TEX11: variants seen among roughly 807,000 people sequenced by gnomAD.
TEX11 encodes the protein testis-expressed protein 11.
In TEX11, 7 loss-of-function variants were observed where a neutral mutation model predicts 84.4. That is an observed-to-expected ratio of 0.08 (90% CI 0.05 to 0.16). The LOEUF (loss-of-function observed/expected upper bound fraction) is 0.16. TEX11 is among the 10% of genes least tolerant of loss of function. TEX11 has a pLI of 1.00. For missense variants in TEX11, 551 were observed against 660.5 expected (o/e 0.83, Z 1.82); for synonymous variants, 264 against 222.8 (o/e 1.18, Z -1.64).
chrX:70,856,856 TTA>T (rs2091539339), intron 5 of TEX11, among the ~76,000 whole-genome samples: 1 of 96,503 alleles, frequency 1.0e-5, no homozygotes, highest in Admixed American at 1.2e-4. Flanking sequence ...GATTTTTTTT[TTA>T]AAAAAAAGAG....
chrX:70,537,469 A>T (rs1157187760), intron 28 of TEX11, among the ~76,000 whole-genome samples: 1 of 109,192 alleles, frequency 9.2e-6, no homozygotes, highest in Non-Finnish European at 1.9e-5. Context: ...AAAAAATGAA[A>T]CAGCAGGAAT....
chrX:70,591,084 T>C (rs1279882514), intron 25 of TEX11, among the ~76,000 whole-genome samples: 1 of 112,070 alleles, frequency 8.9e-6, no homozygotes, highest in Non-Finnish European at 1.9e-5. Flanking sequence ...ATTAGCAGTA[T>C]CTGTTATCTT....
At chrX:70,763,493 G>GTGTA (rs1424000674) in intron 9 of TEX11, among the ~76,000 whole-genome samples, 3 of 110,619 alleles carry the variant, frequency 2.7e-5, no homozygotes, top group Non-Finnish European at 5.7e-5. Context: ...ATTGGGTACA[G>GTGTA]TGTACACTGC....
Position 70,833,584 on chromosome X carries a change from G to T in TEX11, c.535C>A (p.Gln179Lys), listed in dbSNP as rs2091389404. The T allele has an allele frequency of 8.4e-7, 1 of 1,195,312 alleles. No homozygotes were observed. Among genetic ancestry groups the T allele is most frequent in the Admixed American group, 2.3e-5 (1 of 44,116 alleles). The change falls in exon 8 of 30, where the codon CAA (glutamine) becomes AAA (lysine). Residue 179 changes from glutamine (Q) to lysine (K), a missense_variant. By Grantham distance (53) the Gln-to-Lys change is moderately conservative. Transcript: ENST00000374333. The stretch of plus-strand genomic sequence containing the variant: ...ATAGATGCTCTTTGAAAATCCCCTT[G>T]AGCAACTGCCTGAAAAAGATAAAGA... Reference protein sequence around the residue: ...LSYQAESAVAQGDFQRASMCV... With the variant: ...LSYQAESAVAKGDFQRASMCV...
chrX:70,900,395 A>AAGAAG lies in TEX11; in HGVS notation c.37+7357_37+7358insCTTCT, dbSNP rs1556245994. Among the ~76,000 whole-genome samples the AAGAAG allele has an allele frequency of 3.6e-3, 219 of 60,019 alleles. 3 individuals are homozygous for AAGAAG. Among genetic ancestry groups the AAGAAG allele is most frequent in the Admixed American group, 0.024 (98 of 4,099 alleles). 52.1% of individuals were successfully genotyped at this position (60,019 alleles called of 115,157 possible). The stretch of plus-strand genomic sequence containing the variant: ...CTCTATCTCAAAAAAAAAAAAAAAA[A>AAGAAG]AAGAAGAAGAAGAAGAAAATTGAAA... On this transcript the variant is annotated intron_variant, in intron 2 of 29. Transcript: ENST00000374333.
chrX:70,654,906 A>G, intron 16 of TEX11, among the ~76,000 whole-genome samples: 1 of 109,926 alleles, frequency 9.1e-6, no homozygotes, highest in Non-Finnish European at 1.9e-5. Context: ...ATATAAATGT[A>G]TTAAAAGTTC....
rs1431509287 is a variant in TEX11, at chrX:70,826,960, CCT to C, written c.606+6551_606+6552del. Among the ~76,000 whole-genome samples, 383 of 111,202 alleles carry C rather than the reference CCT, an allele frequency of 3.4e-3. 3 individuals carry two copies. Among genetic ancestry groups the C allele is most frequent in the African/African-American group, 0.012 (363 of 30,594 alleles). On this transcript the variant is annotated intron_variant, in intron 8 of 29. Transcript: ENST00000374333. The stretch of plus-strand genomic sequence containing the variant: ...CAGCAAAGGGAGGGCTTGCACCATC[CCT>C]TCCCCAACCCCAGGCAATAAAGCTC...
At chrX:70,772,435 A>G (rs1333328049) in intron 9 of TEX11, among the ~76,000 whole-genome samples, 1 of 110,642 alleles carries the variant, frequency 9.0e-6, no homozygotes, top group Non-Finnish European at 1.9e-5. Flanking sequence ...TTAGTCAGGC[A>G]TGGTGACGCA....
At chrX:70,835,555 T>C (rs1038307608) in intron 7 of TEX11, among the ~76,000 whole-genome samples, 4 of 112,176 alleles carry the variant, frequency 3.6e-5, no homozygotes, top group African/African-American at 1.3e-4. Context: ...CTGTGATTCA[T>C]TAGATCTGGA....
chrX:70,801,245 A>G (rs373282293), intron 9 of TEX11, among the ~76,000 whole-genome samples: 1 of 111,794 alleles, frequency 8.9e-6, no homozygotes, highest in Non-Finnish European at 1.9e-5. Flanking sequence ...CATGACAGCA[A>G]TTGCATTTCT....
intron 25 of TEX11, among the ~76,000 whole-genome samples, chrX:70,588,337 G>T (rs1348106508): frequency 9.0e-6 from 1 of 111,645 alleles, no homozygotes; most frequent in Non-Finnish European, 1.9e-5. Context: ...ATGTATTAAG[G>T]GAGAGATTGG....
At chrX:70,555,592 G>A (rs958094738) in intron 25 of TEX11, among the ~76,000 whole-genome samples, 2 of 111,635 alleles carry the variant, frequency 1.8e-5, no homozygotes, top group African/African-American at 6.5e-5. Flanking sequence ...GCTTTTCTGC[G>A]TTTATGTTTT....
intron 23 of TEX11, among the ~76,000 whole-genome samples, 159 bp from the exon 24 acceptor site, chrX:70,605,676 A>G (rs2089188012): frequency 8.9e-6 from 1 of 112,300 alleles, no homozygotes; most frequent in Non-Finnish European, 1.9e-5. Context: ...ATACTGATTT[A>G]TGCTTTTAAT....
chrX:70,644,981 G>T (rs1321994321), intron 17 of TEX11, among the ~76,000 whole-genome samples: 3 of 109,620 alleles, frequency 2.7e-5, no homozygotes, highest in Non-Finnish European at 3.8e-5. Flanking sequence ...AGTACAGCTG[G>T]TACCAGAGAA....
chrX:70,881,030 A>C (rs1238541030), intron 2 of TEX11, among the ~76,000 whole-genome samples: 1 of 100,306 alleles, frequency 1.0e-5, no homozygotes, highest in Non-Finnish European at 2.0e-5. Context: ...AAAAAAAAAA[A>C]CTAAAACTAA....
chrX:70,874,698 G>A (rs1053343303), intron 3 of TEX11, among the ~76,000 whole-genome samples: 1 of 107,523 alleles, frequency 9.3e-6, no homozygotes, highest in Admixed American at 1.0e-4. Context: ...CACCACACCC[G>A]GCTGACTTTC....
intron 17 of TEX11, 93 bp from the exon 18 acceptor site, chrX:70,629,828 A>T: frequency 1.5e-6 from 1 of 685,635 alleles, no homozygotes; most frequent in Non-Finnish European, 2.1e-6. Context: ...TTTGGAACTT[A>T]TTTTAAGAAC....
intron 25 of TEX11, among the ~76,000 whole-genome samples, chrX:70,569,745 C>A (rs1425542528): frequency 1.8e-5 from 2 of 111,417 alleles, no homozygotes; most frequent in African/African-American, 6.5e-5. Context: ...GCAAATGCTG[C>A]TGTCTGATCG....
chrX:70,848,910 C>T lies in TEX11; in HGVS notation c.525+4124G>A, dbSNP rs140542179. ...GGGGAGGGAGCAGAAGCAAAACATA[C>T]GACCCTTGCATCTGCAGATGATGCA... is the stretch of plus-strand genomic sequence containing the variant. On this transcript the variant is annotated intron_variant, in intron 7 of 29. Transcript: ENST00000374333. 3.5e-3 allele frequency among the ~76,000 whole-genome samples: 394 copies of T among 111,382 alleles called. 2 individuals carry two copies. The highest frequency in any genetic ancestry group is 0.012 in the African/African-American group (358 of 30,689).
Sources: gnomAD v4.1 joint callset for allele counts (sites outside exome capture counted in the v4.1 genomes callset) on GRCh38, gnomAD v4.1.1 for gene constraint, MANE v1.5 for transcripts, NCBI Gene and HGNC (gene_info 2026-07-23, HGNC 2026-07-21) for gene names.